Variants in RPIA observed in about 807,000 individuals in gnomAD.
RPIA encodes ribose-5-phosphate isomerase.
A neutral mutation model predicts 37.8 loss-of-function variants in RPIA; 29 were observed. The ratio of observed to expected loss-of-function variants is 0.77; its 90% CI spans 0.57 to 1.05. The LOEUF (loss-of-function observed/expected upper bound fraction) is 1.05. Ranked by LOEUF, RPIA falls within the 50% of genes least tolerant of loss-of-function variation. The pLI, the probability that RPIA is intolerant of heterozygous loss-of-function variation, is 0.00. For missense variants in RPIA, 385 were observed against 413.6 expected (o/e 0.93, Z 0.60); for synonymous variants, 167 against 157.0 (o/e 1.06, Z -0.48).
At chr2:88,712,120 A>G (rs1251164937) in intron 3 of RPIA, among the ~76,000 whole-genome samples, 3 of 152,214 alleles carry the variant, frequency 2.0e-5, no homozygotes, top group Admixed American at 1.3e-4. Flanking sequence ...TTTGGAATGC[A>G]CCTGGCTGAG....
At position 88,750,270 on chromosome 2, in the gene RPIA, A is replaced by C. The variant is rs1573482997; in HGVS notation, c.*192A>C. ...TTATTAAATGTCTTTTTAAAAAGAG[A>C]AATATAAACATATATTTTTACTATT... On this transcript the variant is annotated 3_prime_UTR_variant, in exon 9 of 9. Transcript: ENST00000283646. 1 of 486,782 alleles carries C rather than the reference A, an allele frequency of 2.1e-6. No individual in the cohort carries two copies. The highest frequency in any genetic ancestry group is 3.4e-5 in the East Asian group (1 of 29,776). The allele number at this position is 486,782 out of a possible 1,614,324, so 30.2% of individuals were successfully genotyped here. A position where few individuals can be genotyped will look rare whatever the true frequency, so the allele number is the denominator to read the frequency against.
intron 1 of RPIA, among the ~76,000 whole-genome samples, chr2:88,698,147 A>G (rs931937011): frequency 1.0e-4 from 15 of 143,284 alleles, no homozygotes; most frequent in African/African-American, 3.9e-4. Context: ...TTAAGTGTTT[A>G]TATGCAGGCC....
chr2:88,692,107 A>G (rs564419915), intron 1 of RPIA, 124 bp downstream of exon 1: 91 of 1,251,154 alleles, frequency 7.3e-5, no homozygotes, highest in Non-Finnish European at 9.3e-5. Context: ...GTGAGAGGGT[A>G]GAGGGTGTGC....
intron 8 of RPIA, among the ~76,000 whole-genome samples, chr2:88,745,749 A>G (rs1343768576): frequency 6.6e-6 from 1 of 152,200 alleles, no homozygotes; most frequent in Middle Eastern, 3.2e-3. Flanking sequence ...TGATGACTAT[A>G]TGCCTAGGTG....
intron 3 of RPIA, among the ~76,000 whole-genome samples, chr2:88,719,960 C>T (rs1673099101): frequency 6.6e-6 from 1 of 152,156 alleles, no homozygotes; most frequent in African/African-American, 2.4e-5. Flanking sequence ...AAAATTGGCC[C>T]TTACAATCTC....
chr2:88,708,467 A>G (rs1672921989), intron 3 of RPIA, among the ~76,000 whole-genome samples: 1 of 152,226 alleles, frequency 6.6e-6, no homozygotes, highest in South Asian at 2.1e-4. Flanking sequence ...TTGGCTAGAC[A>G]TTATGGTATT....
intron 8 of RPIA, among the ~76,000 whole-genome samples, chr2:88,742,051 A>G (rs1673389324): frequency 6.6e-6 from 1 of 152,110 alleles, no homozygotes; most frequent in Non-Finnish European, 1.5e-5. Flanking sequence ...GAAGCTCTCT[A>G]TTTTAATTAA....
intron 3 of RPIA, among the ~76,000 whole-genome samples, chr2:88,713,184 A>C (rs1447517181): frequency 1.6e-5 from 1 of 64,290 alleles, no homozygotes; most frequent in Non-Finnish European, 2.8e-5. Flanking sequence ...TTTTTGAGAC[A>C]GTGTCTTCTC....
At chr2:88,735,206 T>A (rs1056558633) in intron 5 of RPIA, among the ~76,000 whole-genome samples, 2 of 152,170 alleles carry the variant, frequency 1.3e-5, no homozygotes, top group Non-Finnish European at 2.9e-5. Flanking sequence ...ACTGCAGATG[T>A]GAGATAGTTT....
At chr2:88,707,471 G>T (rs182464587) in intron 3 of RPIA, among the ~76,000 whole-genome samples, 1 of 152,048 alleles carries the variant, frequency 6.6e-6, no homozygotes, top group Non-Finnish European at 1.5e-5. Flanking sequence ...TTTGAGTACC[G>T]GTTACAAACC....
At chr2:88,747,385 G>A (rs894157659) in intron 8 of RPIA, among the ~76,000 whole-genome samples, 4 of 152,158 alleles carry the variant, frequency 2.6e-5, no homozygotes, top group Non-Finnish European at 4.4e-5. Context: ...CTCAGGCCTC[G>A]CCCCTCCCTG....
At chr2:88,742,609 G>A (rs1345657427) in intron 8 of RPIA, among the ~76,000 whole-genome samples, 2 of 152,096 alleles carry the variant, frequency 1.3e-5, no homozygotes, top group Non-Finnish European at 2.9e-5. Flanking sequence ...CGATGGGAAT[G>A]GCATTGCATT....
intron 1 of RPIA, 101 bp downstream of exon 1, chr2:88,692,084 G>C: frequency 7.0e-7 from 1 of 1,428,970 alleles, no homozygotes; most frequent in Non-Finnish European, 9.4e-7. Flanking sequence ...GCTCCTGGCA[G>C]GGCGGGAGCT....
At chr2:88,745,932 A>G (rs550288840) in intron 8 of RPIA, among the ~76,000 whole-genome samples, 21 of 151,984 alleles carry the variant, frequency 1.4e-4, no homozygotes, top group African/African-American at 4.8e-4. Flanking sequence ...CTTATGTTTG[A>G]TTGTTTAACA....
intron 3 of RPIA, among the ~76,000 whole-genome samples, chr2:88,708,754 ATTT>A (rs59981047): frequency 1.3e-4 from 17 of 128,140 alleles, no homozygotes; most frequent in African/African-American, 2.1e-4. Flanking sequence ...TGCCAAATGG[ATTT>A]TTTTTTTTTT....
At chr2:88,726,802 C>T (rs577622756) in intron 3 of RPIA, among the ~76,000 whole-genome samples, 10 of 152,246 alleles carry the variant, frequency 6.6e-5, no homozygotes, top group Non-Finnish European at 1.0e-4. Context: ...AGTGCAGTGG[C>T]ACTATCTCGG....
At chr2:88,734,641 C>T (rs1673293669) in intron 5 of RPIA, 25 bp downstream of exon 5, 2 of 1,611,368 alleles carry the variant, frequency 1.2e-6, no homozygotes, top group African/African-American at 2.7e-5. Context: ...GGCTTCTGTG[C>T]TAAAGAGTAT....
chr2:88,749,691 A>G (rs369310838), intron 8 of RPIA, among the ~76,000 whole-genome samples: 5 of 152,304 alleles, frequency 3.3e-5, no homozygotes, highest in East Asian at 3.9e-4. Flanking sequence ...GTGCTTGACA[A>G]TGACTGGCTC....
At chr2:88,711,313 C>CAA (rs1467061195) in intron 3 of RPIA, among the ~76,000 whole-genome samples, 1 of 152,198 alleles carries the variant, frequency 6.6e-6, no homozygotes, top group Non-Finnish European at 1.5e-5. Flanking sequence ...AAACATAAGA[C>CAA]ATCTGTCAGT....
Sources: allele counts gnomAD v4.1 joint callset (sites outside exome capture counted in the v4.1 genomes callset), GRCh38; gene constraint gnomAD v4.1.1; transcripts MANE v1.5; gene names NCBI Gene and HGNC (gene_info 2026-07-23, HGNC 2026-07-21).